NKTR: variants seen among roughly 807,000 people sequenced by gnomAD.
The protein encoded by NKTR is NK-tumor recognition protein.
In NKTR, 67 loss-of-function variants were observed where a neutral mutation model predicts 156.3. The observed-to-expected ratio is 0.43, with a 90% confidence interval of 0.35 to 0.53. The LOEUF (loss-of-function observed/expected upper bound fraction) is 0.53. Among genes scored for constraint, NKTR ranks in the 20% least tolerant of loss-of-function variants. The probability of loss-of-function intolerance (pLI) is 0.01; values close to 1 mark genes in which losing one functional copy is unlikely to be tolerated. For missense variants in NKTR, 1,604 were observed against 1,730.9 expected (o/e 0.93, Z 1.30); for synonymous variants, 640 against 596.6 (o/e 1.07, Z -1.06).
chr3:42,637,057 C>G lies in NKTR; in HGVS notation c.1353C>G (p.His451Gln). Residue 451 changes from histidine (H) to glutamine (Q), a missense_variant, in exon 13 of 17, where the codon CAC becomes CAG. His to Gln is a conservative substitution (Grantham distance 24). This residue lies in a region of NKTR where 1,255 missense variants were observed against 1,243.7 expected (regional missense o/e 1.01). Transcript: ENST00000232978. ...AAAAGCAGAAACACTGCAGAAGACACAAACAAACAAAGAAGAGAAGGATTC... is the reference window on the plus strand; with the variant it reads ...AAAAGCAGAAACACTGCAGAAGACAGAAACAAACAAAGAAGAGAAGGATTC... ...KGKKQKHCRR[H>Q]KQTKKRRILI... is the part of the protein sequence containing the mutation. The G allele has an allele frequency of 6.2e-7, 1 of 1,604,852 alleles. No individual in the cohort carries two copies. The highest frequency in any genetic ancestry group is 8.5e-7 in the Non-Finnish European group (1 of 1,177,794).
chr3:42,625,751 C>G (rs1336399854), intron 6 of NKTR, among the ~76,000 whole-genome samples: 1 of 152,096 alleles, frequency 6.6e-6, no homozygotes, highest in Non-Finnish European at 1.5e-5. Flanking sequence ...CAGATTTTTT[C>G]ATGAGCAAAG....
chr3:42,602,602 T>C (rs981806024), intron 2 of NKTR: 13 of 150,604 alleles, frequency 8.6e-5, no homozygotes, highest in African/African-American at 3.0e-4. Context: ...TTCTCTCTCT[T>C]TTTAATGTTT....
At chr3:42,628,124 A>G in intron 6 of NKTR, 3 of 985,032 alleles carry the variant, frequency 3.0e-6, no homozygotes, top group Non-Finnish European at 2.4e-6. Context: ...TTTTTGTTAA[A>G]TACTTTTAGT....
rs1180467716 is a variant in NKTR, at chr3:42,635,236, C to T, written c.1033C>T (p.Pro345Ser). The part of the protein sequence containing the change: ...GRGTIRYHTP[P>S]RSRSCSESDD... The stretch of plus-strand genomic sequence containing the variant: ...GTTTTTAAAGCGCTATCACACACCT[C>T]CAAGATCAAGATCCTGTTCTGAGTC... The change falls in exon 12 of 17, where the codon CCA becomes TCA. Residue 345 changes from proline to serine, a missense_variant. This residue lies in a region of NKTR where 1,255 missense variants were observed against 1,243.7 expected (regional missense o/e 1.01). Transcript: ENST00000232978. The T allele has an allele frequency of 1.1e-5, 17 of 1,612,042 alleles. No homozygotes were observed. The highest frequency in any genetic ancestry group is 1.4e-5 in the Non-Finnish European group (16 of 1,179,394).
At position 42,647,097 on chromosome 3, in the gene NKTR, T is replaced by C. The variant is rs528748522; in HGVS notation, c.*1122T>C. The C allele has an allele frequency of 6.6e-6, 1 of 152,226 alleles. No individual in the cohort carries two copies. Among genetic ancestry groups the C allele is most frequent in the African/African-American group, 2.4e-5 (1 of 41,450 alleles). 9.4% of individuals were successfully genotyped at this position (152,226 alleles called of 1,614,324 possible). The stretch of plus-strand genomic sequence containing the variant: ...TACCACAACAGCAGCTGAACTGTTG[T>C]AACCAGCATGTTTTTCCTATTTCCA... On this transcript the variant is annotated 3_prime_UTR_variant, in exon 17 of 17. Transcript: ENST00000232978.
At chr3:42,628,483 A>G (rs966512032) in intron 6 of NKTR, 2 of 985,258 alleles carry the variant, frequency 2.0e-6, no homozygotes, top group Non-Finnish European at 2.4e-6. Flanking sequence ...TTTGCCATAA[A>G]GTGGTTTTTA....
chr3:42,627,534 G>T lies in NKTR; in HGVS notation c.375-3012G>T, dbSNP rs138313098. Reference sequence around the variant, plus strand: ...AGTCATTTCTGTATAAGGGCAAAAGGTTCTCTGATAATGGTATAAAACTAT... The same window carrying T: ...AGTCATTTCTGTATAAGGGCAAAAGTTTCTCTGATAATGGTATAAAACTAT... On this transcript the variant is annotated intron_variant, in intron 6 of 16. Transcript: ENST00000232978. 6.8e-4 allele frequency: 666 copies of T among 984,982 alleles called. 2 individuals carry two copies. The African/African-American group carries it at 0.01, about 15-fold the overall frequency. 61.0% of individuals were successfully genotyped at this position (984,982 alleles called of 1,614,324 possible). A position where few individuals can be genotyped will look rare whatever the true frequency, so the allele number is the denominator to read the frequency against.
intron 16 of NKTR, among the ~76,000 whole-genome samples, chr3:42,645,651 T>C (rs1710296504): frequency 2.0e-5 from 3 of 152,044 alleles, no homozygotes; most frequent in Admixed American, 1.3e-4. Context: ...GCCGTTGCAC[T>C]CCAACCTGGG....
At chr3:42,603,023 C>CT (rs1705710436) in intron 2 of NKTR, 1 of 119,942 alleles carries the variant, frequency 8.3e-6, no homozygotes, top group African/African-American at 3.5e-5. Context: ...GAGACCCTGT[C>CT]TCAAAAAAAA....
chr3:42,626,489 T>TA (rs1334256095), intron 6 of NKTR, among the ~76,000 whole-genome samples: 11 of 152,156 alleles, frequency 7.2e-5, no homozygotes, highest in Admixed American at 1.3e-4. Flanking sequence ...TGACTGCACT[T>TA]ACGCTTTCAT....
intron 6 of NKTR, among the ~76,000 whole-genome samples, chr3:42,625,238 G>A (rs1183475261): frequency 2.6e-5 from 4 of 152,130 alleles, no homozygotes; most frequent in Non-Finnish European, 4.4e-5. Flanking sequence ...GCTGCTGTTA[G>A]AACATGAGTC....
Position 42,638,868 on chromosome 3 carries a change from T to C in NKTR, c.3164T>C (p.Ile1055Thr), listed in dbSNP as rs1351668607. The change falls in exon 13 of 17, where the codon ATT (isoleucine) becomes ACT (threonine). Residue 1055 changes from isoleucine to threonine, a missense_variant. Transcript: ENST00000232978. The stretch of plus-strand genomic sequence containing the variant: ...AACAATGAAACCATAAAAGATAATA[T>C]TCTAAAAACTGAGAAATCCAGTGAA... ...SENNETIKDNILKTEKSSEED... is the reference protein window; with the variant it reads ...SENNETIKDNTLKTEKSSEED... 1.2e-5 allele frequency: 19 copies of C among 1,606,042 alleles called. No individual in the cohort carries two copies. The highest frequency in any genetic ancestry group is 1.6e-5 in the Non-Finnish European group (19 of 1,177,884).
At chr3:42,629,188 T>C in intron 6 of NKTR, 1 of 985,200 alleles carries the variant, frequency 1.0e-6, no homozygotes, top group Non-Finnish European at 1.2e-6. Context: ...TAAACACTAG[T>C]GGCTCACTAA....
Position 42,637,338 on chromosome 3 carries a change from C to T in NKTR, c.1634C>T (p.Ser545Phe), listed in dbSNP as rs1036398206. 2.5e-6 allele frequency: 4 copies of T among 1,614,014 alleles called. No homozygotes were observed. The highest frequency in any genetic ancestry group is 1.3e-5 in the African/African-American group (1 of 74,912). ...ACTGCGTCAAAGTCCTCATCACATT[C>T]TCGAAGTAGATCAAAGTCCAGATCT... is the stretch of plus-strand genomic sequence containing the variant. ...SRTASKSSSH[S>F]RSRSKSRSSS... The change falls in exon 13 of 17, where the codon TCT becomes TTT. Residue 545 changes from serine to phenylalanine, a missense_variant. Physicochemically the swap from Ser to Phe is radical, Grantham distance 155. This residue lies in a region of NKTR where 1,255 missense variants were observed against 1,243.7 expected (regional missense o/e 1.01). Transcript: ENST00000232978.
intron 6 of NKTR, chr3:42,628,716 T>A: frequency 1.0e-6 from 1 of 984,154 alleles, no homozygotes; most frequent in Non-Finnish European, 1.2e-6. Flanking sequence ...TTAAAAGCCC[T>A]TTTGGCTGGG....
In NKTR at chr3:42,638,642, G is replaced by T; in HGVS notation, c.2938G>T (p.Gly980Trp). 2 of 1,612,286 alleles carry T rather than the reference G, an allele frequency of 1.2e-6. No homozygotes were observed. Among genetic ancestry groups the T allele is most frequent in the Non-Finnish European group, 1.7e-6 (2 of 1,179,616 alleles). Residue 980 changes from glycine (G) to tryptophan (W), a missense_variant, in exon 13 of 17, where the codon GGG (glycine) becomes TGG (tryptophan). Around this residue, in one of 6 missense-constraint regions of NKTR, gnomAD observed 1,255 missense variants for 1,243.7 expected, o/e 1.01. Transcript: ENST00000232978. The part of the protein sequence containing the change: ...NRGKPQKHKH[G>W]SKENLKREHT... ...GGGAAAGCCACAAAAGCACAAACAT[G>T]GGTCAAAGGAAAATCTTAAAAGAGA...
intron 5 of NKTR, chr3:42,620,310 C>A: frequency 1.7e-6 from 2 of 1,187,128 alleles, no homozygotes; most frequent in Non-Finnish European, 2.1e-6. Context: ...GTTGAAATTT[C>A]GTTTTTCAAA....
In NKTR at chr3:42,639,270, G is replaced by A; in HGVS notation, c.3566G>A (p.Gly1189Asp). Residue 1189 changes from glycine (G) to aspartate (D), a missense_variant, in exon 13 of 17, where the codon GGT (glycine) becomes GAT (aspartate). This residue lies in a region of NKTR where 1,255 missense variants were observed against 1,243.7 expected (regional missense o/e 1.01). Transcript: ENST00000232978. ...ESSMSESKVL[G>D]EVGKQDSSSA... ...AGCATGTCCGAAAGTAAAGTGTTGG[G>A]TGAAGTGGGGAAACAGGACAGCAGC... is the stretch of plus-strand genomic sequence containing the variant. 1 of 1,614,222 alleles carries A rather than the reference G, an allele frequency of 6.2e-7. No homozygotes were observed. The highest frequency in any genetic ancestry group is 1.1e-5 in the South Asian group (1 of 91,088).
chr3:42,643,119 C>T (rs1197263383), intron 14 of NKTR, among the ~76,000 whole-genome samples: 2 of 152,202 alleles, frequency 1.3e-5, no homozygotes, highest in Non-Finnish European at 2.9e-5. Context: ...TCCCTAGTGA[C>T]TATATGCATC....
Sources: allele counts gnomAD v4.1 joint callset (sites outside exome capture counted in the v4.1 genomes callset), GRCh38; gene constraint gnomAD v4.1.1; regional missense constraint gnomAD v4.1.1; transcripts MANE v1.5; gene names NCBI Gene and HGNC (gene_info 2026-07-23, HGNC 2026-07-21).